The following HDAC9 variants were observed in gnomAD, a reference collection of about 807,000 sequenced individuals.
The protein encoded by HDAC9 is histone deacetylase 9.
In HDAC9, 41 loss-of-function variants were observed where a neutral mutation model predicts 139.4. The ratio of observed to expected loss-of-function variants is 0.29; its 90% confidence interval spans 0.23 to 0.38. HDAC9 has a LOEUF of 0.38. HDAC9 is among the 10% of genes least tolerant of loss of function. The probability of loss-of-function intolerance (pLI) is 1.00; values close to 1 mark genes in which losing one functional copy is unlikely to be tolerated. For missense variants in HDAC9, 1,147 were observed against 1,297.0 expected (o/e 0.88, Z 1.78); for synonymous variants, 517 against 476.2 (o/e 1.09, Z -1.12).
intron 1 of HDAC9, among the ~76,000 whole-genome samples, chr7:18,342,029 T>C (rs955394023): frequency 6.6e-6 from 1 of 151,874 alleles, no homozygotes; most frequent in Admixed American, 6.6e-5. Context: ...TCCTCTCATT[T>C]CTAGCTTTTT....
At chr7:18,451,852 G>T (rs1026774139) in intron 1 of HDAC9, among the ~76,000 whole-genome samples, 1 of 152,024 alleles carries the variant, frequency 6.6e-6, no homozygotes, top group Non-Finnish European at 1.5e-5. Context: ...AAAGAGTCTG[G>T]CTCAGTGACC....
intron 11 of HDAC9, among the ~76,000 whole-genome samples, chr7:18,664,998 T>C (rs1361529285): frequency 1.3e-5 from 2 of 152,088 alleles, no homozygotes; most frequent in Admixed American, 6.6e-5. Flanking sequence ...TCAAAGGACT[T>C]TGTTAGTGTG....
chr7:18,127,881 A>G (rs1008595975), intron 1 of HDAC9, among the ~76,000 whole-genome samples: 2 of 151,596 alleles, frequency 1.3e-5, no homozygotes, highest in Admixed American at 6.6e-5. Context: ...ATACTAAACA[A>G]ATTTTGAAGA....
At chr7:18,541,916 G>A (rs1443328011) in intron 2 of HDAC9, among the ~76,000 whole-genome samples, 2 of 152,090 alleles carry the variant, frequency 1.3e-5, no homozygotes, top group Non-Finnish European at 2.9e-5. Context: ...TTAAATTCCA[G>A]ACTTCCTACA....
intron 3 of HDAC9, among the ~76,000 whole-genome samples, chr7:18,589,955 G>C (rs2128818188): frequency 6.6e-6 from 1 of 152,214 alleles, no homozygotes; most frequent in African/African-American, 2.4e-5. Context: ...GATTTCAGTT[G>C]TTCATTTATA....
At chr7:18,149,244 G>C (rs1425362323) in intron 1 of HDAC9, among the ~76,000 whole-genome samples, 3 of 150,014 alleles carry the variant, frequency 2.0e-5, no homozygotes, top group African/African-American at 7.4e-5. Flanking sequence ...ATTGTTCTTT[G>C]TTTTGTTTTC....
chr7:18,728,415 AC>A (rs1329130669), intron 13 of HDAC9, among the ~76,000 whole-genome samples: 11 of 132,206 alleles, frequency 8.3e-5, no homozygotes, highest in Non-Finnish European at 1.2e-4. Flanking sequence ...ACACACACAC[AC>A]ACACACACAC....
chr7:18,191,278 G>A (rs912633988), intron 2 of HDAC9, among the ~76,000 whole-genome samples: 1 of 152,040 alleles, frequency 6.6e-6, no homozygotes, highest in African/African-American at 2.4e-5. Context: ...TATTAGCTGT[G>A]TGGGTGAAGA....
At chr7:18,387,083 G>A (rs1210932452) in intron 1 of HDAC9, among the ~76,000 whole-genome samples, 1 of 152,198 alleles carries the variant, frequency 6.6e-6, no homozygotes, top group Non-Finnish European at 1.5e-5. Flanking sequence ...TTCCATTTCT[G>A]AGGATAAAAG....
intron 1 of HDAC9, among the ~76,000 whole-genome samples, chr7:18,303,917 C>G (rs1798741923): frequency 6.6e-6 from 1 of 152,174 alleles, no homozygotes; most frequent in Non-Finnish European, 1.5e-5. Flanking sequence ...TGGAAAGAAC[C>G]TTGGTTGCTG....
chr7:18,149,744 C>T (rs1176615665), intron 1 of HDAC9, among the ~76,000 whole-genome samples: 3 of 152,028 alleles, frequency 2.0e-5, no homozygotes, highest in South Asian at 2.1e-4. Flanking sequence ...TTAGTAGAGA[C>T]AGGGTTTCAC....
chr7:18,983,640 A>G (rs1013502892), intron 25 of HDAC9, among the ~76,000 whole-genome samples: 3 of 152,182 alleles, frequency 2.0e-5, no homozygotes, highest in African/African-American at 7.2e-5. Context: ...GGGAAGTCAT[A>G]TGTTTTACTT....
chr7:18,542,747 T>G (rs934803021), intron 2 of HDAC9, among the ~76,000 whole-genome samples: 2 of 152,232 alleles, frequency 1.3e-5, no homozygotes, highest in Non-Finnish European at 2.9e-5. Flanking sequence ...GTGTCTGTTT[T>G]CTTTCTGGAG....
chr7:18,402,049 T>A (rs2128734884), intron 1 of HDAC9, among the ~76,000 whole-genome samples: 1 of 152,340 alleles, frequency 6.6e-6, no homozygotes, highest in African/African-American at 2.4e-5. Context: ...ATCTATTTTG[T>A]AAATGCCTTC....
chr7:18,868,775 G>A (rs1196492970), intron 21 of HDAC9, among the ~76,000 whole-genome samples: 1 of 152,070 alleles, frequency 6.6e-6, no homozygotes, highest in Non-Finnish European at 1.5e-5. Flanking sequence ...CCTGTCCCAA[G>A]GCAGGACTCT....
At chr7:18,404,898 G>A (rs1787865782) in intron 1 of HDAC9, among the ~76,000 whole-genome samples, 1 of 152,210 alleles carries the variant, frequency 6.6e-6, no homozygotes, top group Non-Finnish European at 1.5e-5. Context: ...CTTCAGGGTT[G>A]TGGGTGTCCA....
intron 1 of HDAC9, among the ~76,000 whole-genome samples, chr7:18,125,432 C>T (rs201206524): frequency 4.2e-5 from 6 of 142,650 alleles, no homozygotes; most frequent in Admixed American, 6.8e-5. Flanking sequence ...TATATATATG[C>T]GTGTGTGTGT....
At chr7:18,433,982 C>T (rs1021358551) in intron 1 of HDAC9, among the ~76,000 whole-genome samples, 4 of 152,138 alleles carry the variant, frequency 2.6e-5, no homozygotes, top group Admixed American at 2.6e-4. Context: ...GCAAAAAGAA[C>T]TAAGCTGAAA....
intron 1 of HDAC9, among the ~76,000 whole-genome samples, chr7:18,300,028 C>T (rs1425759576): frequency 6.6e-6 from 1 of 152,084 alleles, no homozygotes; most frequent in Non-Finnish European, 1.5e-5. Context: ...ACTCAGATAC[C>T]ACCACCCTAA....
Sources: gnomAD v4.1 joint callset for allele counts (sites outside exome capture counted in the v4.1 genomes callset) on GRCh38, gnomAD v4.1.1 for gene constraint, MANE v1.5 for transcripts, NCBI Gene and HGNC (gene_info 2026-07-23, HGNC 2026-07-21) for gene names.